Variants in SVIL observed in about 807,000 individuals in gnomAD.
The protein encoded by SVIL is supervillin, also known as archvillin.
Under a neutral mutation model 240.4 loss-of-function variants are expected in SVIL, and 101 were observed. That is an observed-to-expected ratio of 0.42 (90% CI 0.36 to 0.50). SVIL has a LOEUF of 0.50. Among genes scored for constraint, SVIL ranks in the 20% least tolerant of loss-of-function variants. The pLI is 0.01. For missense variants in SVIL, 2,512 were observed against 2,818.7 expected, an observed-to-expected ratio of 0.89 and a Z score of 2.46; for synonymous variants, 999 against 1,100.0, an observed-to-expected ratio of 0.91 and a Z score of 1.82.
At chr10:29,501,378 AATGTTTCCAAACT>A (rs1948880528) in intron 17 of SVIL, among the ~76,000 whole-genome samples, 1 of 151,276 alleles carries the variant, frequency 6.6e-6, no homozygotes, top group East Asian at 1.9e-4. Context: ...AGAGGAGCAC[AATGTTTCCAAACT>A]ACTGGCACAT....
chr10:29,486,828 C>G (rs1337765856), intron 24 of SVIL, among the ~76,000 whole-genome samples: 1 of 152,158 alleles, frequency 6.6e-6, no homozygotes, highest in East Asian at 1.9e-4. Flanking sequence ...TGGGCTTTAC[C>G]CCATGACAGT....
intron 1 of SVIL, among the ~76,000 whole-genome samples, chr10:29,693,704 T>C (rs903557639): frequency 1.3e-5 from 2 of 152,182 alleles, no homozygotes; most frequent in African/African-American, 4.8e-5. Context: ...AAAACGTCTT[T>C]CAAAGCACCT....
chr10:29,494,204 A>AGCT (rs754783091), intron 20 of SVIL, among the ~76,000 whole-genome samples: 10 of 152,114 alleles, frequency 6.6e-5, no homozygotes, highest in Non-Finnish European at 1.3e-4. Flanking sequence ...GCAAGTGGGC[A>AGCT]GCTGGATTTG....
At chr10:29,538,545 G>T (rs1284062723) in intron 6 of SVIL, among the ~76,000 whole-genome samples, 2 of 152,228 alleles carry the variant, frequency 1.3e-5, no homozygotes, top group African/African-American at 4.8e-5. Context: ...TCCTGGGCCG[G>T]TGGTGTGTGG....
chr10:29,677,783 G>T (rs1960311785), intron 2 of SVIL, among the ~76,000 whole-genome samples: 1 of 152,010 alleles, frequency 6.6e-6, no homozygotes, highest in African/African-American at 2.4e-5. Flanking sequence ...AGAGGGAAAG[G>T]GATGGCCCTT....
chr10:29,627,113 G>A (rs1193594616), intron 1 of SVIL, among the ~76,000 whole-genome samples: 1 of 151,982 alleles, frequency 6.6e-6, no homozygotes, highest in Non-Finnish European at 1.5e-5. Context: ...TCAGAGAAGG[G>A]AGAAACAGTC....
Position 29,550,768 on chromosome 10 carries a change from T to A in SVIL, c.656A>T (p.Asp219Val), listed in dbSNP as rs1419559428. The A allele has an allele frequency of 1.2e-6, 2 of 1,613,930 alleles. No individual in the cohort carries two copies. Among genetic ancestry groups the A allele is most frequent in the Admixed American group, 3.3e-5 (2 of 59,988 alleles). The change falls in exon 6 of 38, where the codon GAC becomes GTC. Residue 219 changes from aspartate to valine, a missense_variant. Coordinates refer to ENST00000355867, the MANE Select transcript of SVIL (RefSeq NM_021738.3). ...QELSATRQAH[D>V]LSPAAESSST... Reference sequence around the variant, plus strand: ...GGAACTCTCGGCTGCTGGGGACAGGTCATGGGCCTGCCGGGTGGCACTCAG... The same window carrying A: ...GGAACTCTCGGCTGCTGGGGACAGGACATGGGCCTGCCGGGTGGCACTCAG...
At position 29,551,094 on chromosome 10, in the gene SVIL, T is replaced by C. The variant is rs554514035; in HGVS notation, c.330A>G (p.Ala110=). Residue 110 remains alanine (A), a synonymous_variant, in exon 6 of 38, where the codon GCA becomes GCG. Coordinates refer to ENST00000355867, the MANE Select transcript of SVIL (RefSeq NM_021738.3). ...TCTCTGCCAGCTGTCGCCTTCTTTC[T>C]GCTTTGTACCTTGCAATTCTTTCGG... ...SKAERIARYK[A]ERRRQLAEKY... is the part of the protein sequence containing the mutation. The C allele has an allele frequency of 1.4e-5, 23 of 1,614,200 alleles. No individual in the cohort carries two copies. In the South Asian group the frequency reaches 2.2e-4, roughly 15 times the overall value.
At chr10:29,674,548 A>G (rs986074964) in intron 2 of SVIL, among the ~76,000 whole-genome samples, 4 of 152,112 alleles carry the variant, frequency 2.6e-5, no homozygotes. Flanking sequence ...TATTCCATAA[A>G]TTTTCCATTA....
chr10:29,500,744 C>T (rs1186583193), intron 17 of SVIL, among the ~76,000 whole-genome samples: 3 of 152,144 alleles, frequency 2.0e-5, no homozygotes, highest in Non-Finnish European at 4.4e-5. Flanking sequence ...CCTAAGGCCT[C>T]GCGCTGACAC....
At chr10:29,727,556 A>C (rs1050395794) in intron 1 of SVIL, among the ~76,000 whole-genome samples, 6 of 152,280 alleles carry the variant, frequency 3.9e-5, no homozygotes, top group Admixed American at 2.0e-4. Context: ...ACGCAACAGA[A>C]GCTTTGCAGA....
At chr10:29,526,306 T>C (rs34021853) in intron 13 of SVIL, among the ~76,000 whole-genome samples, 43 of 38,854 alleles carry the variant, frequency 1.1e-3, no homozygotes, top group African/African-American at 5.1e-3. Flanking sequence ...TTTCTCTTTC[T>C]TTTTTTTTTT....
intron 2 of SVIL, among the ~76,000 whole-genome samples, chr10:29,564,587 C>T (rs375780499): frequency 4.6e-5 from 7 of 152,226 alleles, no homozygotes; most frequent in South Asian, 2.1e-4. Context: ...GAAGCCACTG[C>T]GCATACTGTG....
intron 8 of SVIL, 125 bp from the exon 9 acceptor site, chr10:29,532,297 C>T: frequency 7.9e-7 from 1 of 1,268,688 alleles, no homozygotes; most frequent in Admixed American, 2.8e-5. Context: ...CTTCATGCCT[C>T]TACCATGCAC....
At chr10:29,693,081 G>A (rs1961636780) in intron 1 of SVIL, among the ~76,000 whole-genome samples, 1 of 152,078 alleles carries the variant, frequency 6.6e-6, no homozygotes, top group Non-Finnish European at 1.5e-5. Context: ...TTAATGGCAG[G>A]CACTCCGAGT....
intron 12 of SVIL, 62 bp from the exon 13 acceptor site, chr10:29,527,118 G>T: frequency 7.1e-7 from 1 of 1,408,316 alleles, no homozygotes; most frequent in Non-Finnish European, 9.9e-7. Context: ...GAAGCATTAA[G>T]GACAGCATAG....
chr10:29,652,350 G>T (rs920273305), intron 3 of SVIL, among the ~76,000 whole-genome samples: 1 of 152,148 alleles, frequency 6.6e-6, no homozygotes, highest in Non-Finnish European at 1.5e-5. Context: ...TGTTTTCAGG[G>T]TTCATCCATG....
At chr10:29,560,167 C>T (rs1384541917) in intron 3 of SVIL, among the ~76,000 whole-genome samples, 1 of 152,180 alleles carries the variant, frequency 6.6e-6, no homozygotes, top group Non-Finnish European at 1.5e-5. Context: ...TTAACTTTTA[C>T]TCTTGGATGG....
chr10:29,547,016 T>G (rs1361699264), intron 6 of SVIL, among the ~76,000 whole-genome samples: 1 of 152,228 alleles, frequency 6.6e-6, no homozygotes, highest in African/African-American at 2.4e-5. Context: ...CCATATCAGA[T>G]GACATTATTA....
Sources: gnomAD v4.1 joint callset for allele counts (sites outside exome capture counted in the v4.1 genomes callset) on GRCh38, gnomAD v4.1.1 for gene constraint, MANE v1.5 for transcripts, NCBI Gene and HGNC (gene_info 2026-07-23, HGNC 2026-07-21) for gene names.